Variants in ARID4B observed in about 807,000 individuals in gnomAD.
ARID4B encodes the protein AT-rich interaction domain 4B, also known as AT-rich interactive domain-containing protein 4B.
ARID4B carries 26 observed loss-of-function variants against 147.5 expected under a neutral mutation model. The observed-to-expected ratio is 0.18, with a 90% CI of 0.13 to 0.24. ARID4B has a LOEUF of 0.24. ARID4B is among the 10% of genes least tolerant of loss of function. ARID4B has a pLI of 1.00. For synonymous variants in ARID4B, 512 were observed against 507.9 expected (o/e 1.01, Z -0.11); for missense variants, 1,179 against 1,511.5 (o/e 0.78, Z 3.65).
At chr1:235,317,446 T>G (rs992511088) in intron 2 of ARID4B, among the ~76,000 whole-genome samples, 1 of 152,232 alleles carries the variant, frequency 6.6e-6, no homozygotes, top group Non-Finnish European at 1.5e-5. Flanking sequence ...AGCCAAGTAT[T>G]GTTTTAAAAC....
At chr1:235,274,804 CCT>C (rs1385742895) in intron 2 of ARID4B, among the ~76,000 whole-genome samples, 2 of 152,098 alleles carry the variant, frequency 1.3e-5, no homozygotes, top group African/African-American at 4.8e-5. Context: ...ATTTTTACTC[CCT>C]GATTCTCAGT....
At chr1:235,176,629 G>A in intron 21 of ARID4B, 1 of 251,826 alleles carries the variant, frequency 4.0e-6, no homozygotes, top group Non-Finnish European at 8.4e-6. Context: ...GGAACCCCTG[G>A]CAACTCCTAG....
intron 12 of ARID4B, among the ~76,000 whole-genome samples, chr1:235,223,649 C>A (rs970110241): frequency 1.4e-5 from 2 of 147,602 alleles, no homozygotes; most frequent in South Asian, 4.3e-4. Flanking sequence ...TACCAATTTA[C>A]TACTACTCTA....
intron 2 of ARID4B, among the ~76,000 whole-genome samples, chr1:235,305,914 C>T (rs371812897): frequency 6.6e-6 from 1 of 152,188 alleles, no homozygotes; most frequent in African/African-American, 2.4e-5. Flanking sequence ...CAGCCATGAT[C>T]ACGCTACTAT....
Position 235,194,076 on chromosome 1 carries a change from T to G in ARID4B, c.2062A>C (p.Lys688Gln). 1 of 1,613,218 alleles carries G rather than the reference T, an allele frequency of 6.2e-7. No homozygotes were observed. Among genetic ancestry groups the G allele is most frequent in the Non-Finnish European group, 8.5e-7 (1 of 1,179,192 alleles). Residue 688 changes from lysine to glutamine, a missense_variant, in exon 19 of 24, where the codon AAA (lysine) becomes CAA (glutamine). This residue lies in a region of ARID4B where 321 missense variants were observed against 342.4 expected (regional missense o/e 0.94). Transcript: ENST00000264183. ...MVSKLDLTDA[K>Q]NSDTAHIKSI... ...TTAATATGAGCAGTATCAGAGTTTT[T>G]GGCATCAGTGAGATCCAGTTTGGAT...
chr1:235,181,851 G>A lies in ARID4B; in HGVS notation c.3068C>T (p.Pro1023Leu), dbSNP rs1169234682. 3.1e-6 allele frequency: 5 copies of A among 1,614,144 alleles called. No homozygotes were observed. Among genetic ancestry groups the A allele is most frequent in the Non-Finnish European group, 2.5e-6 (3 of 1,180,032 alleles). Reference sequence around the variant, plus strand: ...TGAAGGCGATTCAGGTGTAGTAGGAGGGGTATTTAGCACTGAATTACTGCC... The same window carrying A: ...TGAAGGCGATTCAGGTGTAGTAGGAAGGGTATTTAGCACTGAATTACTGCC... The part of the protein sequence containing the change: ...SSGSNSVLNT[P>L]PTTPESPSSV... Residue 1023 changes from proline (P) to leucine (L), a missense_variant, in exon 20 of 24, where the codon CCT becomes CTT. By Grantham distance (98) the Pro-to-Leu change is moderately conservative (BLOSUM62 -3). Around this residue, in one of 10 missense-constraint regions of ARID4B, gnomAD observed 357 missense variants for 427.3 expected, o/e 0.84. Coordinates refer to ENST00000264183, the MANE Select transcript of ARID4B (RefSeq NM_016374.6).
At chr1:235,272,043 G>A (rs768324826) in intron 2 of ARID4B, among the ~76,000 whole-genome samples, 4 of 152,014 alleles carry the variant, frequency 2.6e-5, no homozygotes, top group Non-Finnish European at 2.9e-5. Context: ...TTTGAAAGAC[G>A]TCATCAACAA....
intron 2 of ARID4B, among the ~76,000 whole-genome samples, chr1:235,298,773 A>G (rs935544468): frequency 1.3e-5 from 2 of 152,060 alleles, no homozygotes; most frequent in South Asian, 2.1e-4. Context: ...ATCAACACCT[A>G]ATCACAGTTA....
chr1:235,312,042 C>T (rs374453029), intron 2 of ARID4B, among the ~76,000 whole-genome samples: 8 of 151,958 alleles, frequency 5.3e-5, no homozygotes, highest in African/African-American at 1.9e-4. Flanking sequence ...GTAATCCCAG[C>T]ACTTTGGGAG....
intron 22 of ARID4B, among the ~76,000 whole-genome samples, chr1:235,174,689 G>A (rs946912217): frequency 2.6e-5 from 4 of 152,034 alleles, no homozygotes; most frequent in Admixed American, 1.3e-4. Context: ...GTGGGCGTCT[G>A]TAATCCCAAC....
intron 2 of ARID4B, among the ~76,000 whole-genome samples, chr1:235,296,868 A>AAAGAGG (rs1553314013): frequency 2.8e-5 from 4 of 144,618 alleles, no homozygotes; most frequent in South Asian, 2.2e-4. Flanking sequence ...GAAGGGAGAG[A>AAAGAGG]GTACTTCCTG....
At chr1:235,312,223 T>G (rs1437402398) in intron 2 of ARID4B, among the ~76,000 whole-genome samples, 3 of 152,022 alleles carry the variant, frequency 2.0e-5, no homozygotes, top group Non-Finnish European at 4.4e-5. Context: ...GAGGCAGAGG[T>G]TGCAGTTAGC....
chr1:235,312,548 G>A (rs1044985663), intron 2 of ARID4B, among the ~76,000 whole-genome samples: 16 of 152,222 alleles, frequency 1.1e-4, no homozygotes, highest in Non-Finnish European at 2.2e-4. Context: ...TTTGCTAGAA[G>A]AACTAGTTTA....
At chr1:235,275,295 G>A (rs567340221) in intron 2 of ARID4B, among the ~76,000 whole-genome samples, 2 of 152,180 alleles carry the variant, frequency 1.3e-5, no homozygotes, top group Non-Finnish European at 2.9e-5. Flanking sequence ...AAACTGGGCC[G>A]ATCGGTTTTA....
intron 2 of ARID4B, among the ~76,000 whole-genome samples, chr1:235,287,812 A>G (rs1307599632): frequency 1.3e-5 from 2 of 152,230 alleles, no homozygotes; most frequent in Admixed American, 6.5e-5. Flanking sequence ...GAAGTATACA[A>G]AAAGCAAATG....
In ARID4B at chr1:235,239,827, T is replaced by A. The variant is rs1668871965; in HGVS notation, c.585+486A>T. ...GGAGAGAAAAACATTAAAAAGTAGGTAGAATTAACAATCTACTGTAGAGAA... is the reference window on the plus strand; with the variant it reads ...GGAGAGAAAAACATTAAAAAGTAGGAAGAATTAACAATCTACTGTAGAGAA... On this transcript the variant is annotated intron_variant, in intron 8 of 23. Transcript: ENST00000264183. Among the ~76,000 whole-genome samples the A allele has an allele frequency of 2.0e-5, 3 of 152,072 alleles. No individual in the cohort carries two copies. The South Asian group carries it at 6.2e-4, about 32-fold the overall frequency.
chr1:235,260,700 T>C lies in ARID4B; in HGVS notation c.59A>G (p.Tyr20Cys). ...LTVGTDVSAKYRGAFCEAKIK... is the reference protein window; with the variant it reads ...LTVGTDVSAKCRGAFCEAKIK... ...CTTGGCTTCACAAAAGGCTCCTCTG[T>C]ATTTAGCACTCACATCAGTGCCCAC... The change falls in exon 3 of 24, where the codon TAC becomes TGC. Residue 20 changes from tyrosine to cysteine, a missense_variant. Physicochemically the swap from Tyr to Cys is radical, Grantham distance 194. This residue lies in a region of ARID4B where 56 missense variants were observed against 99.2 expected (regional missense o/e 0.56). Coordinates refer to ENST00000264183, the MANE Select transcript of ARID4B (RefSeq NM_016374.6). The C allele has an allele frequency of 6.2e-7, 1 of 1,612,640 alleles. No homozygotes were observed. The highest frequency in any genetic ancestry group is 1.1e-5 in the South Asian group (1 of 90,646).
In ARID4B at chr1:235,168,641, A is replaced by T. The variant is rs1233646680; in HGVS notation, c.3823T>A (p.Ser1275Thr). ...GATGAAGGTGAAGAGGAGGATGAGG[A>T]TGTAGCAGCACCTAAGGAAAAGGGA... is the stretch of plus-strand genomic sequence containing the variant. ...KKKERESAAT[S>T]SSSSSPSSSS... The change falls in exon 24 of 24, where the codon TCC becomes ACC. Residue 1275 changes from serine (S) to threonine (T), a missense_variant. Physicochemically the swap from Ser to Thr is moderately conservative, Grantham distance 58 (BLOSUM62 1). This residue lies in a region of ARID4B where 357 missense variants were observed against 427.3 expected (regional missense o/e 0.84). Transcript: ENST00000264183. 1 of 1,613,914 alleles carries T rather than the reference A, an allele frequency of 6.2e-7. No individual in the cohort carries two copies. Among genetic ancestry groups the T allele is most frequent in the Non-Finnish European group, 8.5e-7 (1 of 1,179,864 alleles).
At chr1:235,310,251 T>C (rs942172958) in intron 2 of ARID4B, among the ~76,000 whole-genome samples, 3 of 115,494 alleles carry the variant, frequency 2.6e-5, no homozygotes, top group Non-Finnish European at 3.8e-5. Context: ...AATTCTAAAT[T>C]TAAAACTTTT....
Sources: gnomAD v4.1 joint callset for allele counts (sites outside exome capture counted in the v4.1 genomes callset) on GRCh38, gnomAD v4.1.1 for gene constraint, gnomAD v4.1.1 regional missense constraint, MANE v1.5 for transcripts, NCBI Gene and HGNC (gene_info 2026-07-23, HGNC 2026-07-21) for gene names.